Variants in RASA1 observed in about 807,000 individuals in gnomAD.
RASA1 encodes the protein RAS p21 protein activator 1.
A neutral mutation model predicts 132.2 loss-of-function variants in RASA1; 25 were observed. The observed-to-expected ratio is 0.19, with a 90% CI of 0.14 to 0.26. The LOEUF is 0.26. Among genes scored for constraint, RASA1 ranks in the 10% least tolerant of loss-of-function variants. RASA1 has a pLI of 1.00. For missense variants in RASA1, 964 were observed against 1,299.2 expected, an observed-to-expected ratio of 0.74 and a Z score of 3.97; for synonymous variants, 477 against 449.9, an observed-to-expected ratio of 1.06 and a Z score of -0.76.
Position 87,389,425 on chromosome 5 carries a change from T to C in RASA1, c.2958T>C (p.His986=). ...NVPELPDTTE[H]SRTDLSRDLA... is the part of the protein sequence containing the mutation. Reference sequence around the variant, plus strand: ...CTGAACTTCCGGACACTACAGAGCATTCTAGAACGGACCTGTCCCGTGATT... The same window carrying C: ...CTGAACTTCCGGACACTACAGAGCACTCTAGAACGGACCTGTCCCGTGATT... Residue 986 remains histidine (H), a synonymous_variant, in exon 24 of 25, where the codon CAT becomes CAC. Coordinates refer to ENST00000274376, the MANE Select transcript of RASA1 (RefSeq NM_002890.3). 7 of 1,614,178 alleles carry C rather than the reference T, an allele frequency of 4.3e-6. No homozygotes were observed. The highest frequency in any genetic ancestry group is 5.9e-6 in the Non-Finnish European group (7 of 1,179,990).
intron 1 of RASA1, among the ~76,000 whole-genome samples, chr5:87,321,206 G>A (rs922474057): frequency 3.9e-5 from 6 of 152,178 alleles, no homozygotes; most frequent in African/African-American, 1.4e-4. Flanking sequence ...TGTCTAGGAA[G>A]ATAAGAAGTG....
intron 20 of RASA1, among the ~76,000 whole-genome samples, chr5:87,381,031 T>C (rs888561647): frequency 6.6e-6 from 1 of 152,204 alleles, no homozygotes; most frequent in Non-Finnish European, 1.5e-5. Flanking sequence ...AAGCTGTGTT[T>C]CAGTCTGCTC....
At chr5:87,296,424 C>A (rs886356068) in intron 1 of RASA1, among the ~76,000 whole-genome samples, 1 of 152,084 alleles carries the variant, frequency 6.6e-6, no homozygotes, top group Non-Finnish European at 1.5e-5. Context: ...CTCTCATGTT[C>A]TTCCTGAGTT....
intron 1 of RASA1, among the ~76,000 whole-genome samples, chr5:87,282,108 C>G: frequency 6.6e-6 from 1 of 151,808 alleles, no homozygotes; most frequent in East Asian, 1.9e-4. Flanking sequence ...CAGTCATCAA[C>G]TATGATTTGA....
At chr5:87,287,402 T>C (rs929855475) in intron 1 of RASA1, among the ~76,000 whole-genome samples, 1 of 145,204 alleles carries the variant, frequency 6.9e-6, no homozygotes, top group East Asian at 2.1e-4. Context: ...ATACCATATA[T>C]ACACACCATA....
intron 1 of RASA1, among the ~76,000 whole-genome samples, chr5:87,271,984 C>T (rs925967944): frequency 4.0e-5 from 6 of 151,302 alleles, no homozygotes; most frequent in African/African-American, 1.5e-4. Context: ...GAAACCCCGT[C>T]TCTACTAAAA....
At chr5:87,280,526 C>T (rs1365995060) in intron 1 of RASA1, among the ~76,000 whole-genome samples, 4 of 151,020 alleles carry the variant, frequency 2.6e-5, no homozygotes, top group Non-Finnish European at 4.4e-5. Flanking sequence ...TTGGCCAGGC[C>T]GGTCCTGAAC....
In RASA1 at chr5:87,287,083, A is replaced by C. The variant is rs574206038; in HGVS notation, c.539+18093A>C. The stretch of plus-strand genomic sequence containing the variant: ...ATGTATATACACACCATATATACAC[A>C]CCATATATATACACACCATATATAT... On this transcript the variant is annotated intron_variant, in intron 1 of 24. Transcript: ENST00000274376. 2.7e-5 allele frequency among the ~76,000 whole-genome samples: 4 copies of C among 146,224 alleles called. No homozygotes were observed. The East Asian group carries it at 7.9e-4, about 29-fold the overall frequency.
At position 87,354,656 on chromosome 5, in the gene RASA1, G is replaced by A. The variant is rs1580338138; in HGVS notation, c.1332+1421G>A. ...TCTAAATGGTCAAGTGAAAGGAAAA[G>A]TCACATGTCTCTCACATTAAGTCAA... is the stretch of plus-strand genomic sequence containing the variant. On this transcript the variant is annotated intron_variant, in intron 9 of 24. Coordinates refer to ENST00000274376, the MANE Select transcript of RASA1 (RefSeq NM_002890.3). Among the ~76,000 whole-genome samples the A allele has an allele frequency of 2.0e-5, 3 of 152,224 alleles. No individual in the cohort carries two copies. In the East Asian group the frequency reaches 5.8e-4, roughly 29 times the overall value.
intron 1 of RASA1, among the ~76,000 whole-genome samples, chr5:87,323,657 G>A (rs1756992650): frequency 1.3e-5 from 2 of 151,786 alleles, no homozygotes; most frequent in Non-Finnish European, 2.9e-5. Flanking sequence ...GATTTGTAAA[G>A]TATATTGTAA....
chr5:87,327,857 T>C (rs749974345), intron 1 of RASA1, among the ~76,000 whole-genome samples: 1 of 151,472 alleles, frequency 6.6e-6, no homozygotes, highest in Non-Finnish European at 1.5e-5. Flanking sequence ...CCCAGCTACT[T>C]GGGAGGCAGA....
chr5:87,368,532 T>C (rs1299997971), intron 11 of RASA1, among the ~76,000 whole-genome samples: 2 of 152,176 alleles, frequency 1.3e-5, no homozygotes, highest in Admixed American at 6.6e-5. Context: ...ACTAATGTTA[T>C]TGCGTCCAGA....
intron 1 of RASA1, among the ~76,000 whole-genome samples, chr5:87,291,766 C>T (rs1754919192): frequency 6.6e-6 from 1 of 152,166 alleles, no homozygotes; most frequent in African/African-American, 2.4e-5. Context: ...CTTTGCCTTC[C>T]ACCATGAGTA....
intron 1 of RASA1, chr5:87,299,598 A>G (rs1440423857): frequency 6.6e-6 from 1 of 152,064 alleles, no homozygotes; most frequent in African/African-American, 2.4e-5. Flanking sequence ...TGAAGTAATT[A>G]CTACAGTCAA....
Position 87,292,060 on chromosome 5 carries a change from G to A in RASA1, c.539+23070G>A, listed in dbSNP as rs747613520. On this transcript the variant is annotated intron_variant, in intron 1 of 24. Transcript: ENST00000274376. ...TGTGAAGAGTTCTTTGTATATTTTT[G>A]GATAACAGTCCTTTACCAGATGTGT... Among the ~76,000 whole-genome samples the A allele has an allele frequency of 6.6e-5, 10 of 152,140 alleles. No homozygotes were observed. The East Asian group carries it at 1.7e-3, about 26-fold the overall frequency.
At chr5:87,325,835 CTG>C (rs575747546) in intron 1 of RASA1, among the ~76,000 whole-genome samples, 15 of 152,176 alleles carry the variant, frequency 9.9e-5, no homozygotes, top group Non-Finnish European at 1.5e-4. Context: ...AAATGCCTGT[CTG>C]TATTCACACT....
intron 1 of RASA1, among the ~76,000 whole-genome samples, chr5:87,284,954 A>G (rs923878727): frequency 6.6e-6 from 1 of 152,100 alleles, no homozygotes; most frequent in African/African-American, 2.4e-5. Context: ...AACCTTATCT[A>G]TGTGATAGAA....
At chr5:87,278,702 A>G (rs1309720936) in intron 1 of RASA1, among the ~76,000 whole-genome samples, 1 of 152,084 alleles carries the variant, frequency 6.6e-6, no homozygotes, top group Non-Finnish European at 1.5e-5. Flanking sequence ...CCAGTTTTAC[A>G]TATATTCATT....
chr5:87,319,639 A>G (rs368578351), intron 1 of RASA1, among the ~76,000 whole-genome samples: 112 of 152,344 alleles, frequency 7.4e-4, no homozygotes, highest in Middle Eastern at 3.4e-3. Flanking sequence ...AGTTAGCAGC[A>G]GGGCTCTGGG....
Sources: allele counts gnomAD v4.1 joint callset (sites outside exome capture counted in the v4.1 genomes callset), GRCh38; gene constraint gnomAD v4.1.1; transcripts MANE v1.5; gene names NCBI Gene and HGNC (gene_info 2026-07-23, HGNC 2026-07-21).